Variants in ME3 observed in about 807,000 individuals in gnomAD.
The protein encoded by ME3 is NADP-dependent malic enzyme, mitochondrial.
ME3 carries 48 observed loss-of-function variants against 68.9 expected under a neutral mutation model. The ratio of observed to expected loss-of-function variants is 0.70; its 90% CI spans 0.55 to 0.89. The LOEUF (loss-of-function observed/expected upper bound fraction) is 0.89. Ranked by LOEUF, ME3 falls within the 40% of genes least tolerant of loss-of-function variation. The probability of loss-of-function intolerance (pLI) is 0.00; values close to 1 mark genes in which losing one functional copy is unlikely to be tolerated. For synonymous variants in ME3, 320 were observed against 318.8 expected (o/e 1.00, Z -0.04); for missense variants, 675 against 797.4 (o/e 0.85, Z 1.85).
At chr11:86,624,335 A>G (rs974736942) in intron 2 of ME3, among the ~76,000 whole-genome samples, 2 of 152,196 alleles carry the variant, frequency 1.3e-5, no homozygotes, top group Non-Finnish European at 2.9e-5. Context: ...ACCAGCAGAG[A>G]TTTAGCATTT....
chr11:86,651,942 C>T (rs996412458), intron 2 of ME3, among the ~76,000 whole-genome samples: 4 of 152,080 alleles, frequency 2.6e-5, no homozygotes, highest in Admixed American at 6.6e-5. Context: ...AACCACATGA[C>T]GAATGCACAA....
At chr11:86,502,909 C>G (rs563094464) in intron 5 of ME3, among the ~76,000 whole-genome samples, 2 of 152,234 alleles carry the variant, frequency 1.3e-5, no homozygotes, top group African/African-American at 4.8e-5. Flanking sequence ...GATCAAATGT[C>G]CTTGCTTGCT....
At chr11:86,629,057 A>T (rs1594722529) in intron 2 of ME3, among the ~76,000 whole-genome samples, 1 of 152,208 alleles carries the variant, frequency 6.6e-6, no homozygotes, top group African/African-American at 2.4e-5. Context: ...TGGGAGCTAC[A>T]TGCGTGCCCC....
chr11:86,590,915 G>A (rs1541309), intron 2 of ME3, among the ~76,000 whole-genome samples: 56,804 of 152,150 alleles, frequency 0.37, 13,062 homozygotes, highest in Non-Finnish European at 0.51. Context: ...GAAGGAAGAA[G>A]ATGCTCTACC....
chr11:86,543,616 A>G (rs1173019435), intron 4 of ME3, among the ~76,000 whole-genome samples: 1 of 152,238 alleles, frequency 6.6e-6, no homozygotes, highest in Non-Finnish European at 1.5e-5. Flanking sequence ...TATCCTAAAT[A>G]TATATGCACC....
At chr11:86,563,867 G>C (rs1478547254) in intron 2 of ME3, among the ~76,000 whole-genome samples, 2 of 152,162 alleles carry the variant, frequency 1.3e-5, no homozygotes, top group Admixed American at 1.3e-4. Context: ...AGTATAGTTT[G>C]AAGTCAGGTA....
At chr11:86,651,799 A>G (rs595031) in intron 2 of ME3, among the ~76,000 whole-genome samples, 149,783 of 152,334 alleles carry the variant, frequency 0.98, 73,681 homozygotes, top group Non-Finnish European at 1. Flanking sequence ...ATGACTCCGA[A>G]CTGAAGGAGG....
At chr11:86,633,336 T>C (rs375725333) in intron 2 of ME3, among the ~76,000 whole-genome samples, 87 of 152,372 alleles carry the variant, frequency 5.7e-4, no homozygotes, top group Middle Eastern at 3.4e-3. Flanking sequence ...TGAGGGGTGC[T>C]ATTATTAACC....
intron 4 of ME3, among the ~76,000 whole-genome samples, chr11:86,525,010 A>T (rs1954626199): frequency 6.6e-6 from 1 of 152,224 alleles, no homozygotes; most frequent in Non-Finnish European, 1.5e-5. Flanking sequence ...AATGATTGAG[A>T]AAAGATGTGT....
chr11:86,489,656 C>G (rs937363673), intron 6 of ME3, among the ~76,000 whole-genome samples: 2 of 152,078 alleles, frequency 1.3e-5, no homozygotes, highest in Admixed American at 6.5e-5. Flanking sequence ...CCAACCGAGA[C>G]TCTGCTGGGG....
At chr11:86,442,739 T>C in intron 14 of ME3, 82 bp downstream of exon 14, 1 of 1,176,564 alleles carries the variant, frequency 8.5e-7, no homozygotes, top group East Asian at 2.4e-5. Flanking sequence ...ACAGTTTCCA[T>C]CCCCTTAACC....
intron 2 of ME3, among the ~76,000 whole-genome samples, chr11:86,618,461 C>T (rs540901728): frequency 1.1e-4 from 17 of 152,082 alleles, no homozygotes; most frequent in East Asian, 1.9e-4. Flanking sequence ...CTGTGAAAAA[C>T]GCCTTCCACA....
At chr11:86,539,754 T>C (rs1177371790) in intron 4 of ME3, among the ~76,000 whole-genome samples, 1 of 152,168 alleles carries the variant, frequency 6.6e-6, no homozygotes, top group African/African-American at 2.4e-5. Context: ...CACATTATTC[T>C]TTGTCCTTTT....
intron 5 of ME3, among the ~76,000 whole-genome samples, chr11:86,500,683 A>C (rs1386900051): frequency 8.5e-5 from 13 of 152,156 alleles, no homozygotes; most frequent in Admixed American, 8.5e-4. Flanking sequence ...CCTGCTATAC[A>C]TCTGTACACA....
chr11:86,504,926 A>G (rs1952969304), intron 5 of ME3, among the ~76,000 whole-genome samples: 1 of 151,004 alleles, frequency 6.6e-6, no homozygotes, highest in Non-Finnish European at 1.5e-5. Flanking sequence ...CCTGACCTCA[A>G]GTGATCCGCC....
At chr11:86,496,658 G>T (rs1952356016) in intron 6 of ME3, among the ~76,000 whole-genome samples, 1 of 152,086 alleles carries the variant, frequency 6.6e-6, no homozygotes, top group Non-Finnish European at 1.5e-5. Context: ...GCAAAAATGG[G>T]TACCAGAGCA....
chr11:86,644,337 G>A (rs930653719), intron 2 of ME3, among the ~76,000 whole-genome samples: 2 of 152,166 alleles, frequency 1.3e-5, no homozygotes, highest in Non-Finnish European at 2.9e-5. Flanking sequence ...CAGCCAGAGA[G>A]ATCTTTGACT....
chr11:86,450,814 G>A (rs1043409221), intron 8 of ME3, among the ~76,000 whole-genome samples: 1 of 152,224 alleles, frequency 6.6e-6, no homozygotes, highest in Non-Finnish European at 1.5e-5. Context: ...CATATGGCCT[G>A]AGCTGCCCAT....
chr11:86,452,155 C>T (rs1949667620), intron 8 of ME3, among the ~76,000 whole-genome samples: 2 of 152,156 alleles, frequency 1.3e-5, no homozygotes, highest in Admixed American at 6.5e-5. Context: ...TTTTTGCTTC[C>T]TGTCTCTTTA....
Sources: gnomAD v4.1 joint callset for allele counts (sites outside exome capture counted in the v4.1 genomes callset) on GRCh38, gnomAD v4.1.1 for gene constraint, MANE v1.5 for transcripts, NCBI Gene and HGNC (gene_info 2026-07-23, HGNC 2026-07-21) for gene names.